PRKCE: variants seen among roughly 807,000 people sequenced by gnomAD.
PRKCE encodes the protein protein kinase C epsilon type.
In PRKCE, 16 loss-of-function variants were observed where a neutral mutation model predicts 85.4. The observed-to-expected ratio is 0.19, with a 90% confidence interval of 0.13 to 0.28. PRKCE has a LOEUF of 0.28. Ranked by LOEUF, PRKCE falls within the 10% of genes least tolerant of loss-of-function variation. The pLI is 1.00. For missense variants in PRKCE, 573 were observed against 975.2 expected, an observed-to-expected ratio of 0.59 and a Z score of 5.49; for synonymous variants, 388 against 371.5, an observed-to-expected ratio of 1.04 and a Z score of -0.51.
At chr2:45,761,282 A>T (rs796413513) in intron 1 of PRKCE, among the ~76,000 whole-genome samples, 2 of 143,498 alleles carry the variant, frequency 1.4e-5, no homozygotes, top group African/African-American at 5.2e-5. Flanking sequence ...AGCCGAGATC[A>T]CACCACTGCA....
At chr2:45,788,738 C>T (rs1686811234) in intron 1 of PRKCE, among the ~76,000 whole-genome samples, 1 of 152,198 alleles carries the variant, frequency 6.6e-6, no homozygotes, top group Non-Finnish European at 1.5e-5. Flanking sequence ...ATTCTCTATT[C>T]AGATGCCTTT....
chr2:46,139,200 A>G lies in PRKCE; in HGVS notation c.1593-5893A>G, dbSNP rs1376226312. On this transcript the variant is annotated intron_variant, in intron 11 of 14. Transcript: ENST00000306156. The surrounding 1 kb of genome is among the most constrained non-coding windows in gnomAD (Gnocchi z 5.2). ...CAGTCAACACAATCAGACACAAGAAATGAATTAGAAGTATAAATACTAAAA... is the reference window on the plus strand; with the variant it reads ...CAGTCAACACAATCAGACACAAGAAGTGAATTAGAAGTATAAATACTAAAA... Among the ~76,000 whole-genome samples the G allele has an allele frequency of 6.6e-6, 1 of 152,228 alleles. No homozygotes were observed. Among genetic ancestry groups the G allele is most frequent in the African/African-American group, 2.4e-5 (1 of 41,458 alleles).
intron 11 of PRKCE, among the ~76,000 whole-genome samples, chr2:46,131,398 G>A (rs545222070): frequency 3.9e-5 from 6 of 152,330 alleles, no homozygotes; most frequent in African/African-American, 1.4e-4. Flanking sequence ...TACATATCAA[G>A]CCATAAGGGT....
chr2:45,819,642 G>A (rs1689362722), intron 1 of PRKCE, among the ~76,000 whole-genome samples: 1 of 152,156 alleles, frequency 6.6e-6, no homozygotes, highest in African/African-American at 2.4e-5. Flanking sequence ...TACTACAGAT[G>A]GGATGTGGGA....
At chr2:46,105,468 A>G (rs1671631683) in intron 11 of PRKCE, among the ~76,000 whole-genome samples, 1 of 150,424 alleles carries the variant, frequency 6.6e-6, no homozygotes, top group Non-Finnish European at 1.5e-5. Flanking sequence ...TTTTTTTCAC[A>G]ATAGTGCTTA....
chr2:45,662,444 TTCTC>T (rs1017983792), intron 1 of PRKCE, among the ~76,000 whole-genome samples: 1 of 152,166 alleles, frequency 6.6e-6, no homozygotes, highest in Non-Finnish European at 1.5e-5. Flanking sequence ...CTAATTTTTT[TTCTC>T]TCTCTATGAA....
chr2:45,913,862 A>G (rs927268446), intron 2 of PRKCE, among the ~76,000 whole-genome samples: 1 of 152,216 alleles, frequency 6.6e-6, no homozygotes, highest in Non-Finnish European at 1.5e-5. Context: ...ATCCACGATG[A>G]TTCTAGGACT....
intron 2 of PRKCE, among the ~76,000 whole-genome samples, chr2:45,843,354 C>T (rs1430802755): frequency 3.9e-5 from 6 of 152,148 alleles, no homozygotes; most frequent in Admixed American, 2.6e-4. Context: ...GGCAGCCTCT[C>T]CCAGGAGGCT....
At chr2:45,732,049 A>C (rs1681623980) in intron 1 of PRKCE, among the ~76,000 whole-genome samples, 1 of 152,180 alleles carries the variant, frequency 6.6e-6, no homozygotes, top group East Asian at 1.9e-4. Flanking sequence ...CTGTAAGTTA[A>C]ACCTTGTTAT....
intron 2 of PRKCE, among the ~76,000 whole-genome samples, chr2:45,948,759 G>T (rs1268294873): frequency 6.6e-6 from 1 of 152,170 alleles, no homozygotes; most frequent in African/African-American, 2.4e-5. Context: ...CTGGGCTGAA[G>T]TTGGTGTTTA....
At chr2:46,057,820 C>A (rs1019272425) in intron 10 of PRKCE, among the ~76,000 whole-genome samples, 2 of 152,132 alleles carry the variant, frequency 1.3e-5, no homozygotes, top group Non-Finnish European at 2.9e-5. Context: ...CAGGACATAG[C>A]CACCTGTCTC....
intron 1 of PRKCE, among the ~76,000 whole-genome samples, chr2:45,673,021 C>G (rs1487069243): frequency 1.3e-5 from 2 of 152,156 alleles, no homozygotes; most frequent in African/African-American, 4.8e-5. Context: ...AGCAACAGAG[C>G]AAGTCCCTGT....
intron 1 of PRKCE, among the ~76,000 whole-genome samples, chr2:45,718,153 G>T (rs983888740): frequency 4.6e-5 from 7 of 152,028 alleles, no homozygotes; most frequent in Non-Finnish European, 8.8e-5. Flanking sequence ...GTGTTTAGTT[G>T]CTTCCCTGGC....
rs752149352 is a variant in PRKCE at position 45,824,418 on chromosome 2, G to A, written c.349-18582G>A. On this transcript the variant is annotated intron_variant, in intron 1 of 14. Coordinates refer to ENST00000306156, the MANE Select transcript of PRKCE (RefSeq NM_005400.3). ...CACAGGAGGACCAGGGAAGCAGCTC[G>A]GGGAGTCTCTTAAGCGGGGCGTGTT... is the stretch of plus-strand genomic sequence containing the variant. Among the ~76,000 whole-genome samples, 12 of 152,142 alleles carry A rather than the reference G, an allele frequency of 7.9e-5. 1 individual carries two copies. The highest frequency in any genetic ancestry group is 2.1e-4 in the South Asian group (1 of 4,828).
At chr2:45,701,107 GGAAGGAAGGACAAA>G (rs1248085954) in intron 1 of PRKCE, among the ~76,000 whole-genome samples, 1 of 152,166 alleles carries the variant, frequency 6.6e-6, no homozygotes, top group African/African-American at 2.4e-5. Context: ...AGACAGTAGA[GGAAGGAAGGACAAA>G]GAAGGATTGT....
Position 45,720,681 on chromosome 2 carries a change from AT to A in PRKCE, c.348+68235del, listed in dbSNP as rs1680542173. Among the ~76,000 whole-genome samples the A allele has an allele frequency of 3.9e-5, 6 of 152,292 alleles. No homozygotes were observed. In the South Asian group the frequency reaches 1.2e-3, roughly 32 times the overall value. ...CATGCATTTTTCAGTCATTCACCTAATTATTCATGCAGGTGATAGTTAAGGT... is the reference window on the plus strand; with the variant it reads ...CATGCATTTTTCAGTCATTCACCTAATATTCATGCAGGTGATAGTTAAGGT... On this transcript the variant is annotated intron_variant, in intron 1 of 14. Transcript: ENST00000306156.
At chr2:45,666,524 CTCTT>C (rs1675920044) in intron 1 of PRKCE, among the ~76,000 whole-genome samples, 1 of 151,876 alleles carries the variant, frequency 6.6e-6, no homozygotes. Flanking sequence ...CATACCCAAA[CTCTT>C]TCTATCCCTT....
At chr2:46,055,498 A>T (rs888476278) in intron 10 of PRKCE, among the ~76,000 whole-genome samples, 7 of 152,240 alleles carry the variant, frequency 4.6e-5, no homozygotes, top group Non-Finnish European at 8.8e-5. Flanking sequence ...AAAGCTAGTT[A>T]TCTGGCTTGT....
chr2:45,820,252 C>T (rs1689421204), intron 1 of PRKCE, among the ~76,000 whole-genome samples: 1 of 152,112 alleles, frequency 6.6e-6, no homozygotes, highest in Non-Finnish European at 1.5e-5. Context: ...ACATAGAACA[C>T]TGCCAGGCAC....
Sources: gnomAD v4.1 joint callset for allele counts (sites outside exome capture counted in the v4.1 genomes callset) on GRCh38, gnomAD v4.1.1 for gene constraint, Gnocchi (gnomAD v3.1) non-coding constraint, MANE v1.5 for transcripts, NCBI Gene and HGNC (gene_info 2026-07-23, HGNC 2026-07-21) for gene names.